Variants in COLEC11 observed in about 807,000 individuals in gnomAD.
COLEC11 encodes collectin subfamily member 11.
In COLEC11, 20 loss-of-function variants were observed where a neutral mutation model predicts 27.3. That is an observed-to-expected ratio of 0.73 (90% CI 0.51 to 1.06). The LOEUF (loss-of-function observed/expected upper bound fraction) is 1.06. COLEC11 is among the 50% of genes least tolerant of loss of function. The probability of loss-of-function intolerance (pLI) is 0.00; values close to 1 mark genes in which losing one functional copy is unlikely to be tolerated. For synonymous variants in COLEC11, 163 were observed against 154.7 expected (o/e 1.05, Z -0.40); for missense variants, 310 against 383.0 (o/e 0.81, Z 1.59).
chr2:3,601,298 T>TTTA (rs1010243150), intron 1 of COLEC11, among the ~76,000 whole-genome samples: 10 of 152,224 alleles, frequency 6.6e-5, no homozygotes, highest in Non-Finnish European at 1.0e-4. Context: ...TGGATTTTTC[T>TTTA]TTATTATTAT....
Position 3,604,405 on chromosome 2 carries a change from C to G in COLEC11, c.65C>G (p.Ser22Cys). 6.2e-7 allele frequency: 1 copy of G among 1,614,238 alleles called. No individual in the cohort carries two copies. The highest frequency in any genetic ancestry group is 8.5e-7 in the Non-Finnish European group (1 of 1,180,044). Reference sequence around the variant, plus strand: ...CTGGCCTTCCTGTCACTGCTGCCATCTGGACATCCTCAGCCGGCTGGCGAT... The same window carrying G: ...CTGGCCTTCCTGTCACTGCTGCCATGTGGACATCCTCAGCCGGCTGGCGAT... ...ISLAFLSLLP[S>C]GHPQPAGDDA... Residue 22 changes from serine to cysteine, a missense_variant, in exon 2 of 7, where the codon TCT becomes TGT. Physicochemically the swap from Ser to Cys is moderately radical, Grantham distance 112. Transcript: ENST00000349077.
chr2:3,634,223 A>C (rs1483943085), intron 3 of COLEC11, among the ~76,000 whole-genome samples: 1 of 152,130 alleles, frequency 6.6e-6, no homozygotes, highest in Non-Finnish European at 1.5e-5. Context: ...GAACCAAGAC[A>C]CTCCAGGGTA....
intron 1 of COLEC11, chr2:3,603,586 G>A: frequency 6.5e-7 from 1 of 1,533,520 alleles, no homozygotes; most frequent in Non-Finnish European, 8.8e-7. Flanking sequence ...CAAAGTGCTG[G>A]AATTACAGGT....
At chr2:3,636,708 A>T (rs936432868) in intron 3 of COLEC11, among the ~76,000 whole-genome samples, 1 of 152,176 alleles carries the variant, frequency 6.6e-6, no homozygotes, top group Non-Finnish European at 1.5e-5. Flanking sequence ...ACCAGCAGAC[A>T]GGTAGGAGCA....
rs777533884 is a variant in COLEC11 at position 3,644,573 on chromosome 2, C to T, written c.*455C>T. 5.1e-6 allele frequency: 2 copies of T among 388,460 alleles called. 1 individual carries two copies. Among genetic ancestry groups the T allele is most frequent in the South Asian group, 3.8e-5 (2 of 52,290 alleles). The allele number at this position is 388,460 out of a possible 1,614,324, so 24.1% of individuals were successfully genotyped here. A position where few individuals can be genotyped will look rare whatever the true frequency, so the allele number is the denominator to read the frequency against. ...ATATAGGTTCCTTCACACTATTATC[C>T]ATGTAAAAACAATTTTGCTTTGCTT... On this transcript the variant is annotated 3_prime_UTR_variant, in exon 7 of 7. Coordinates refer to ENST00000349077, the MANE Select transcript of COLEC11 (RefSeq NM_024027.5).
chr2:3,604,267 G>A (rs754705153), intron 1 of COLEC11, 48 bp from the exon 2 acceptor site: 68 of 1,606,522 alleles, frequency 4.2e-5, no homozygotes, highest in Middle Eastern at 1.6e-4. Context: ...GTCACTGGCT[G>A]CCCGGCTGTT....
intron 3 of COLEC11, among the ~76,000 whole-genome samples, chr2:3,633,508 T>C (rs1170548785): frequency 6.6e-6 from 1 of 152,152 alleles, no homozygotes; most frequent in African/African-American, 2.4e-5. Flanking sequence ...GTCCCTGCCA[T>C]AGGGGGTTCT....
chr2:3,641,417 A>G, intron 5 of COLEC11: 1 of 1,291,824 alleles, frequency 7.7e-7, no homozygotes, highest in Non-Finnish European at 1.0e-6. Flanking sequence ...CCTCTGGGAG[A>G]CAGAAGGACC....
intron 3 of COLEC11, among the ~76,000 whole-genome samples, chr2:3,631,257 A>G (rs1572454590): frequency 6.6e-6 from 1 of 152,186 alleles, no homozygotes; most frequent in East Asian, 1.9e-4. Flanking sequence ...ATTAAAAAAA[A>G]AGATGCTTAG....
chr2:3,636,255 G>A (rs530581686), intron 3 of COLEC11, among the ~76,000 whole-genome samples: 6 of 152,294 alleles, frequency 3.9e-5, no homozygotes, highest in African/African-American at 1.4e-4. Flanking sequence ...AGGAGATCGA[G>A]ACCATCCTGG....
Position 3,637,587 on chromosome 2 carries a change from G to A in COLEC11, c.257G>A (p.Gly86Asp). Reference sequence around the variant, plus strand: ...AGTGTGGGTCGTCATGGAAAAATTGGTCCCATTGGCTCTAAAGGTATTTGC... The same window carrying A: ...AGTGTGGGTCGTCATGGAAAAATTGATCCCATTGGCTCTAAAGGTATTTGC... ...KGSVGRHGKI[G>D]PIGSKGEKGD... Residue 86 changes from glycine to aspartate, a missense_variant, in exon 4 of 7, where the codon GGT becomes GAT. By Grantham distance (94) the Gly-to-Asp change is moderately conservative. Coordinates refer to ENST00000349077, the MANE Select transcript of COLEC11 (RefSeq NM_024027.5). 6.2e-7 allele frequency: 1 copy of A among 1,614,086 alleles called. No homozygotes were observed. Among genetic ancestry groups the A allele is most frequent in the Non-Finnish European group, 8.5e-7 (1 of 1,179,958 alleles).
chr2:3,634,084 C>T (rs959867927), intron 3 of COLEC11, among the ~76,000 whole-genome samples: 1 of 152,174 alleles, frequency 6.6e-6, no homozygotes, highest in Admixed American at 6.5e-5. Flanking sequence ...CTCCAAATAC[C>T]AGCACCTTGG....
At chr2:3,609,352 A>ATTTTT (rs567474674) in intron 2 of COLEC11, among the ~76,000 whole-genome samples, 16 of 87,490 alleles carry the variant, frequency 1.8e-4, no homozygotes, top group East Asian at 1.2e-3. Context: ...TTTTTCTTTG[A>ATTTTT]TTTTTTTTTT....
At chr2:3,603,212 C>T (rs1662367338) in intron 1 of COLEC11, among the ~76,000 whole-genome samples, 1 of 152,368 alleles carries the variant, frequency 6.6e-6, no homozygotes, top group African/African-American at 2.4e-5. Flanking sequence ...CCCTTCTGGC[C>T]TGTCCCTCTC....
intron 1 of COLEC11, chr2:3,603,793 G>A (rs997600111): frequency 3.9e-5 from 34 of 870,298 alleles, no homozygotes; most frequent in Middle Eastern, 2.5e-4. Flanking sequence ...TGATCTCACC[G>A]AGGAAGGCCA....
At chr2:3,639,836 G>A (rs147176237) in intron 4 of COLEC11, among the ~76,000 whole-genome samples, 278 of 152,288 alleles carry the variant, frequency 1.8e-3, no homozygotes, top group African/African-American at 6.4e-3. Flanking sequence ...TTGAGCCAGG[G>A]CAGGAAGGAG....
At chr2:3,611,152 T>C (rs567344242) in intron 2 of COLEC11, among the ~76,000 whole-genome samples, 2 of 152,278 alleles carry the variant, frequency 1.3e-5, no homozygotes, top group South Asian at 4.2e-4. Context: ...AGAGCGACAT[T>C]GGCATTTGTG....
chr2:3,619,340 C>T (rs1664014629), intron 3 of COLEC11, among the ~76,000 whole-genome samples: 1 of 152,158 alleles, frequency 6.6e-6, no homozygotes, highest in Non-Finnish European at 1.5e-5. Flanking sequence ...GGCATCCTTG[C>T]CTTGTTTCTG....
intron 4 of COLEC11, among the ~76,000 whole-genome samples, chr2:3,639,256 CA>C (rs1665671197): frequency 1.3e-5 from 2 of 152,380 alleles, no homozygotes; most frequent in South Asian, 4.1e-4. Context: ...AATAACGCCA[CA>C]TTGCGTATTG....
Sources: allele counts gnomAD v4.1 joint callset (sites outside exome capture counted in the v4.1 genomes callset), GRCh38; gene constraint gnomAD v4.1.1; transcripts MANE v1.5; gene names NCBI Gene and HGNC (gene_info 2026-07-23, HGNC 2026-07-21).